Variants in GABRB3 observed in about 807,000 individuals in gnomAD.
GABRB3 encodes gamma-aminobutyric acid receptor subunit beta-3.
GABRB3 carries 14 observed loss-of-function variants against 52.1 expected under a neutral mutation model. That is an observed-to-expected ratio of 0.27 (90% CI 0.18 to 0.42). The LOEUF is 0.42. Ranked by LOEUF, GABRB3 falls within the 10% of genes least tolerant of loss-of-function variation. GABRB3 has a pLI of 1.00. For missense variants in GABRB3, 307 were observed against 609.1 expected (o/e 0.50, Z 5.22); for synonymous variants, 260 against 232.3 (o/e 1.12, Z -1.08).
At chr15:26,562,487 C>T (rs1890027148) in intron 7 of GABRB3, among the ~76,000 whole-genome samples, 1 of 152,244 alleles carries the variant, frequency 6.6e-6, no homozygotes, top group Non-Finnish European at 1.5e-5. Flanking sequence ...CATGACATCA[C>T]TGAGGCCAAG....
intron 3 of GABRB3, among the ~76,000 whole-genome samples, chr15:26,628,558 T>C (rs1043399414): frequency 2.0e-5 from 3 of 152,014 alleles, no homozygotes; most frequent in Non-Finnish European, 4.4e-5. Flanking sequence ...AACCTAGAAG[T>C]AAAAGATTCA....
At chr15:26,680,762 G>A (rs12439751) in intron 3 of GABRB3, among the ~76,000 whole-genome samples, 6,093 of 152,198 alleles carry the variant, frequency 0.04, 316 homozygotes, top group African/African-American at 0.11. Context: ...ATTCAACAAC[G>A]TCATTAAGAG....
At chr15:26,752,367 G>C (rs1236073091) in intron 3 of GABRB3, among the ~76,000 whole-genome samples, 24 of 151,768 alleles carry the variant, frequency 1.6e-4, no homozygotes. Flanking sequence ...GGGTTCAAGA[G>C]ATTCTCCTGC....
At chr15:26,765,736 C>T (rs553947261) in intron 3 of GABRB3, among the ~76,000 whole-genome samples, 2 of 152,172 alleles carry the variant, frequency 1.3e-5, no homozygotes, top group South Asian at 2.1e-4. Flanking sequence ...AACAACCACA[C>T]CCAAAGAACA....
intron 3 of GABRB3, among the ~76,000 whole-genome samples, chr15:26,742,344 A>C (rs1890229763): frequency 6.6e-6 from 1 of 151,330 alleles, no homozygotes; most frequent in Non-Finnish European, 1.5e-5. Flanking sequence ...TTTTTAGTTT[A>C]AACTCTGTTC....
At chr15:26,752,844 G>A (rs781303456) in intron 3 of GABRB3, among the ~76,000 whole-genome samples, 16 of 152,014 alleles carry the variant, frequency 1.1e-4, no homozygotes, top group Non-Finnish European at 2.2e-4. Flanking sequence ...GACGCTACAC[G>A]CCAGGACAAC....
chr15:26,609,804 T>C (rs1478945456), intron 4 of GABRB3, among the ~76,000 whole-genome samples: 1 of 152,204 alleles, frequency 6.6e-6, no homozygotes, highest in African/African-American at 2.4e-5. Context: ...AAAAAAAGTT[T>C]AGTTCAAATA....
At chr15:26,772,585 G>T in intron 2 of GABRB3, 96 bp downstream of exon 2, 1 of 1,422,224 alleles carries the variant, frequency 7.0e-7, no homozygotes, top group Non-Finnish European at 9.5e-7. Context: ...ACTCCCACCC[G>T]CCGCTGCTCC....
intron 8 of GABRB3, 38 bp downstream of exon 8, chr15:26,560,894 G>A (rs972475197): frequency 1.2e-6 from 2 of 1,612,594 alleles, no homozygotes; most frequent in Non-Finnish European, 1.7e-6. Context: ...CTGCTGAGCT[G>A]CAGGGACCAG....
intron 7 of GABRB3, among the ~76,000 whole-genome samples, chr15:26,565,452 T>C (rs755464781): frequency 1.3e-5 from 2 of 152,168 alleles, no homozygotes; most frequent in Non-Finnish European, 2.9e-5. Flanking sequence ...CTGGCTCTCA[T>C]GCTTGCCTCC....
At chr15:26,591,053 T>C (rs978559831) in intron 4 of GABRB3, among the ~76,000 whole-genome samples, 17 of 152,112 alleles carry the variant, frequency 1.1e-4, no homozygotes, top group Non-Finnish European at 5.9e-5. Flanking sequence ...AGGACTGAGG[T>C]GACCATTCAT....
rs113879054 is a variant in GABRB3, at chr15:26,703,368, G to A, written c.240+69034C>T. On this transcript the variant is annotated intron_variant, in intron 3 of 8. Coordinates refer to ENST00000311550, the MANE Select transcript of GABRB3 (RefSeq NM_000814.6). ...ACCCCTGATCCCATTTGCAAGGGAG[G>A]AGCCCTCATGGCCCAGTTATCCTTT... 9.3e-3 allele frequency among the ~76,000 whole-genome samples: 1,418 copies of A among 152,216 alleles called. 31 individuals are homozygous for A. Among genetic ancestry groups the A allele is most frequent in the African/African-American group, 0.033 (1,371 of 41,524 alleles).
At chr15:26,721,153 A>G (rs150141955) in intron 3 of GABRB3, among the ~76,000 whole-genome samples, 27 of 152,274 alleles carry the variant, frequency 1.8e-4, no homozygotes, top group African/African-American at 5.8e-4. Flanking sequence ...TGCAGTAGGT[A>G]GGGACAGAGA....
chr15:26,556,417 T>C (rs1335093439), intron 8 of GABRB3, among the ~76,000 whole-genome samples: 4 of 152,214 alleles, frequency 2.6e-5, no homozygotes, highest in Admixed American at 2.6e-4. Context: ...TCTTGCTCTT[T>C]AGTAAGAATG....
intron 4 of GABRB3, among the ~76,000 whole-genome samples, chr15:26,606,804 C>CGATAGA (rs200249563): frequency 2.3e-5 from 1 of 42,762 alleles, no homozygotes; most frequent in Non-Finnish European, 5.8e-5. Context: ...ATAGATATAT[C>CGATAGA]TATAGATAGA....
intron 8 of GABRB3, among the ~76,000 whole-genome samples, chr15:26,556,852 G>T (rs1213835676): frequency 6.6e-6 from 1 of 152,134 alleles, no homozygotes; most frequent in Non-Finnish European, 1.5e-5. Context: ...TGCCTTACAG[G>T]ACACAGAAAG....
At chr15:26,773,539 C>T, upstream of GABRB3, 1 of 840,762 alleles carries the variant, frequency 1.2e-6, no homozygotes, top group Non-Finnish European at 1.8e-6. Context: ...CCACCGCCCG[C>T]TGCAGCGCAG....
rs917351032 is a variant in GABRB3 at position 26,545,983 on chromosome 15, G to GA, written c.*1809dup. 2 of 152,560 alleles carry GA rather than the reference G, an allele frequency of 1.3e-5. No homozygotes were observed. Among genetic ancestry groups the GA allele is most frequent in the African/African-American group, 4.8e-5 (2 of 41,420 alleles). The allele number at this position is 152,560 out of a possible 1,614,324, so 9.5% of individuals were successfully genotyped here. On this transcript the variant is annotated 3_prime_UTR_variant, in exon 9 of 9. Transcript: ENST00000311550. The stretch of plus-strand genomic sequence containing the variant: ...ATTAAAGGTTGTTACGGCCACCAAA[G>GA]AAAAATCAAGTAGTGGTCAGCTCAT...
chr15:26,606,812 A>ATATT (rs1555370530), intron 4 of GABRB3, among the ~76,000 whole-genome samples: 1 of 75,506 alleles, frequency 1.3e-5, no homozygotes, highest in African/African-American at 4.0e-5. Flanking sequence ...ATCTATAGAT[A>ATATT]GATAGATAGA....
Sources: allele counts gnomAD v4.1 joint callset (sites outside exome capture counted in the v4.1 genomes callset), GRCh38; gene constraint gnomAD v4.1.1; transcripts MANE v1.5; gene names NCBI Gene and HGNC (gene_info 2026-07-23, HGNC 2026-07-21).